GAS2: variants seen among roughly 807,000 people sequenced by gnomAD.
GAS2 encodes growth arrest specific 2.
A neutral mutation model predicts 37.5 loss-of-function variants in GAS2; 20 were observed. The observed-to-expected ratio is 0.53, with a 90% CI of 0.37 to 0.77. The LOEUF is 0.77. GAS2 is among the 30% of genes least tolerant of loss of function. GAS2 has a pLI of 0.00. For synonymous variants in GAS2, 144 were observed against 132.2 expected (o/e 1.09, Z -0.61); for missense variants, 336 against 373.4 (o/e 0.90, Z 0.82).
chr11:22,649,890 T>G (rs1202393648), intron 1 of GAS2, among the ~76,000 whole-genome samples: 1 of 152,124 alleles, frequency 6.6e-6, no homozygotes, highest in Non-Finnish European at 1.5e-5. Flanking sequence ...ATTAATTTTT[T>G]GAAGGGTTTT....
chr11:22,641,175 AGGTTC>A (rs1373671250), intron 1 of GAS2, among the ~76,000 whole-genome samples: 1 of 145,974 alleles, frequency 6.9e-6, no homozygotes, highest in Non-Finnish European at 1.5e-5. Flanking sequence ...GTCTCTGCTA[AGGTTC>A]CAGGATTCTG....
intron 1 of GAS2, among the ~76,000 whole-genome samples, chr11:22,645,753 A>T (rs1848683568): frequency 6.6e-6 from 1 of 151,772 alleles, no homozygotes. Context: ...TTGTGCCATT[A>T]TACATTTTTT....
At chr11:22,685,848 A>G (rs1281090933) in intron 3 of GAS2, 59 bp downstream of exon 3, 7 of 1,535,350 alleles carry the variant, frequency 4.6e-6, no homozygotes, top group African/African-American at 1.4e-5. Flanking sequence ...ATAATTGCTT[A>G]TAAATTGTGT....
At chr11:22,743,653 A>G (rs1045943573) in intron 5 of GAS2, among the ~76,000 whole-genome samples, 4 of 152,042 alleles carry the variant, frequency 2.6e-5, no homozygotes, top group African/African-American at 9.7e-5. Context: ...AGAACAGGCC[A>G]TTTTCATTTC....
At chr11:22,726,546 T>C in intron 4 of GAS2, 113 bp downstream of exon 4, 2 of 846,996 alleles carry the variant, frequency 2.4e-6, no homozygotes, top group South Asian at 1.6e-5. Flanking sequence ...GATTATTAGC[T>C]TAAAAAGTCT....
At chr11:22,717,775 G>GA (rs61595575) in intron 3 of GAS2, among the ~76,000 whole-genome samples, 132,910 of 150,382 alleles carry the variant, frequency 0.88, 60,806 homozygotes, top group East Asian at 1. Context: ...AAATCAGCAA[G>GA]AAAAAAAAAG....
At chr11:22,739,365 G>T (rs1316834923) in intron 5 of GAS2, among the ~76,000 whole-genome samples, 2 of 151,910 alleles carry the variant, frequency 1.3e-5, no homozygotes, top group East Asian at 3.9e-4. Flanking sequence ...ACGAGGTCAG[G>T]AGATCGAGAC....
At chr11:22,765,408 G>T (rs1854632521) in intron 7 of GAS2, among the ~76,000 whole-genome samples, 2 of 152,102 alleles carry the variant, frequency 1.3e-5, no homozygotes. Context: ...CAAAAATTTT[G>T]TGGAAAAATA....
chr11:22,771,215 TTTG>T (rs1024748255), intron 7 of GAS2, among the ~76,000 whole-genome samples: 15 of 152,138 alleles, frequency 9.9e-5, no homozygotes, highest in African/African-American at 3.6e-4. Flanking sequence ...TAATACAATA[TTTG>T]TTATTTTGTT....
At chr11:22,801,628 A>G (rs1856668916) in intron 7 of GAS2, among the ~76,000 whole-genome samples, 1 of 152,112 alleles carries the variant, frequency 6.6e-6, no homozygotes, top group South Asian at 2.1e-4. Flanking sequence ...TAGGAAAATA[A>G]TTTTTGAAAT....
chr11:22,791,265 T>C (rs1275315407), intron 7 of GAS2, among the ~76,000 whole-genome samples: 1 of 152,070 alleles, frequency 6.6e-6, no homozygotes, highest in African/African-American at 2.4e-5. Flanking sequence ...TGTCTCTAAA[T>C]GGAGAAATAG....
intron 7 of GAS2, among the ~76,000 whole-genome samples, chr11:22,800,141 TAGTA>T (rs1392586971): frequency 2.6e-5 from 4 of 152,090 alleles, no homozygotes; most frequent in Admixed American, 1.3e-4. Flanking sequence ...AACTCTGGCA[TAGTA>T]AGAAAGAATG....
chr11:22,799,432 A>C (rs1231162366), intron 7 of GAS2, among the ~76,000 whole-genome samples: 1 of 152,074 alleles, frequency 6.6e-6, no homozygotes, highest in African/African-American at 2.4e-5. Context: ...TACTTAATTC[A>C]CTATGGATTC....
In GAS2 at chr11:22,713,364, A is replaced by T. The variant is rs150232131; in HGVS notation, c.268-12928A>T. Among the ~76,000 whole-genome samples the T allele has an allele frequency of 7.6e-4, 116 of 151,952 alleles. 2 individuals are homozygous for T. In the East Asian group the frequency reaches 0.02, roughly 27 times the overall value. On this transcript the variant is annotated intron_variant, in intron 3 of 7. Coordinates refer to ENST00000454584, the MANE Select transcript of GAS2 (RefSeq NM_001143830.3). ...ATCCAAGAAATTTGGGATTATGTTA[A>T]ATGACCAAACATAAGAATAATTGGT...
At chr11:22,781,772 G>C (rs1855567315) in intron 7 of GAS2, among the ~76,000 whole-genome samples, 1 of 150,502 alleles carries the variant, frequency 6.6e-6, no homozygotes, top group Admixed American at 6.6e-5. Flanking sequence ...TGTTTTTTAT[G>C]ATACTGTAAT....
At chr11:22,736,263 C>A (rs1001184761) in intron 4 of GAS2, among the ~76,000 whole-genome samples, 3 of 151,866 alleles carry the variant, frequency 2.0e-5, no homozygotes, top group Non-Finnish European at 4.4e-5. Context: ...TCATTTTAAG[C>A]CCTTTTAATT....
rs1324749575 is a variant in GAS2, at chr11:22,749,180, A to G, written c.534A>G (p.Thr178=). The G allele has an allele frequency of 2.5e-6, 4 of 1,612,546 alleles. No individual in the cohort carries two copies. In the African/African-American group the frequency reaches 4.0e-5, roughly 16 times the overall value. The change falls in exon 6 of 8, where the codon ACA becomes ACG. Residue 178 remains threonine, a synonymous_variant. Transcript: ENST00000454584. ...KLEKEIEQEE[T]LSAPSPSPSP... ...AAAAAGAGATTGAACAAGAAGAAAC[A>G]CTTTCTGCCCCTTCTCCTTCACCTT...
intron 1 of GAS2, among the ~76,000 whole-genome samples, chr11:22,645,506 A>AT (rs1026855718): frequency 1.3e-5 from 2 of 149,992 alleles, no homozygotes; most frequent in African/African-American, 4.9e-5. Flanking sequence ...CTGTCTTAAA[A>AT]ATATATATAT....
intron 7 of GAS2, among the ~76,000 whole-genome samples, chr11:22,760,368 T>C (rs7942050): frequency 0.38 from 57,606 of 152,010 alleles, 10,996 homozygotes; most frequent in East Asian, 0.62. Context: ...TCTTGGGGCT[T>C]CCCCAAGACT....
Sources: gnomAD v4.1 joint callset for allele counts (sites outside exome capture counted in the v4.1 genomes callset) on GRCh38, gnomAD v4.1.1 for gene constraint, MANE v1.5 for transcripts, NCBI Gene and HGNC (gene_info 2026-07-23, HGNC 2026-07-21) for gene names.